Variants in RFX4 observed in about 807,000 individuals in gnomAD.
The protein encoded by RFX4 is transcription factor RFX4.
A neutral mutation model predicts 95.0 loss-of-function variants in RFX4; 10 were observed. That is an observed-to-expected ratio of 0.11 (90% confidence interval 0.06 to 0.18). The LOEUF is 0.18. Among genes scored for constraint, RFX4 ranks in the 10% least tolerant of loss-of-function variants. RFX4 has a pLI of 1.00. For synonymous variants in RFX4, 321 were observed against 340.7 expected, an observed-to-expected ratio of 0.94 and a Z score of 0.64; for missense variants, 640 against 922.0, an observed-to-expected ratio of 0.69 and a Z score of 3.96.
At chr12:106,607,959 G>A (rs113731078) in intron 1 of RFX4, among the ~76,000 whole-genome samples, 40 of 152,286 alleles carry the variant, frequency 2.6e-4, no homozygotes, top group East Asian at 5.8e-4. Context: ...TTGGGAGGCC[G>A]AGGCAGGCGG....
intron 1 of RFX4, among the ~76,000 whole-genome samples, chr12:106,592,799 A>G (rs1015794235): frequency 5.9e-5 from 9 of 152,096 alleles, no homozygotes; most frequent in Non-Finnish European, 1.0e-4. Context: ...TCTTGCATTT[A>G]TATATATATT....
intron 4 of RFX4, among the ~76,000 whole-genome samples, chr12:106,678,529 AG>A (rs1260113856): frequency 6.6e-6 from 1 of 152,268 alleles, no homozygotes; most frequent in Non-Finnish European, 1.5e-5. Flanking sequence ...GGTAGATTTT[AG>A]GTGCTTCTTC....
rs1357277053 is a variant in RFX4, at chr12:106,728,218, GC to G, written c.1352-3910del. ...ATCTCCTTTTGTCTCTAATCCTAATGCCTTTTTCCATAACAGGCTCTGCTGC... is the reference window on the plus strand; with the variant it reads ...ATCTCCTTTTGTCTCTAATCCTAATGCTTTTTCCATAACAGGCTCTGCTGC... On this transcript the variant is annotated intron_variant, in intron 13 of 17. Transcript: ENST00000392842. 3.3e-5 allele frequency among the ~76,000 whole-genome samples: 5 copies of G among 151,580 alleles called. No homozygotes were observed. In the East Asian group the frequency reaches 9.7e-4, roughly 29 times the overall value.
chr12:106,690,750 G>C (rs1028183197), intron 7 of RFX4, among the ~76,000 whole-genome samples: 3 of 152,176 alleles, frequency 2.0e-5, no homozygotes, highest in Admixed American at 1.3e-4. Context: ...ATGGACGGGA[G>C]CTGGTCCCAC....
intron 4 of RFX4, among the ~76,000 whole-genome samples, chr12:106,657,298 T>C (rs548907898): frequency 6.6e-6 from 1 of 152,310 alleles, no homozygotes; most frequent in Non-Finnish European, 1.5e-5. Flanking sequence ...AACAAATACA[T>C]TGGTAGTAGT....
chr12:106,584,929 GC>G (rs2039432042), intron 1 of RFX4, among the ~76,000 whole-genome samples: 1 of 152,196 alleles, frequency 6.6e-6, no homozygotes, highest in Non-Finnish European at 1.5e-5. Context: ...CGCCTGCCCT[GC>G]GTGCCTCTCC....
chr12:106,751,077 C>T, intron 17 of RFX4, among the ~76,000 whole-genome samples: 1 of 128,000 alleles, frequency 7.8e-6, no homozygotes, highest in African/African-American at 2.9e-5. Context: ...CCAATGCTAT[C>T]CCTCCCCCCT....
intron 13 of RFX4, among the ~76,000 whole-genome samples, chr12:106,726,380 C>T (rs1426341267): frequency 1.3e-5 from 2 of 152,148 alleles, no homozygotes; most frequent in South Asian, 4.1e-4. Flanking sequence ...TTGCCCACCT[C>T]ATTCCCTTCA....
intron 7 of RFX4, 138 bp downstream of exon 7, chr12:106,689,502 C>T: frequency 1.4e-6 from 1 of 694,814 alleles, no homozygotes; most frequent in Admixed American, 2.3e-5. Flanking sequence ...TCACTTCATC[C>T]TCATGAGATC....
At chr12:106,596,766 T>C (rs2039625941) in intron 1 of RFX4, among the ~76,000 whole-genome samples, 1 of 152,276 alleles carries the variant, frequency 6.6e-6, no homozygotes, top group African/African-American at 2.4e-5. Context: ...TTTGGAGCTT[T>C]TCCTTTTTCA....
chr12:106,665,241 C>G (rs2041153239), intron 4 of RFX4, among the ~76,000 whole-genome samples: 1 of 151,772 alleles, frequency 6.6e-6, no homozygotes, highest in Non-Finnish European at 1.5e-5. Context: ...ATATAATGCC[C>G]TTCTTTATCC....
chr12:106,604,094 A>G (rs946823617), intron 1 of RFX4, among the ~76,000 whole-genome samples: 18 of 143,978 alleles, frequency 1.3e-4, no homozygotes, highest in Non-Finnish European at 2.3e-4. Context: ...ATTCATGTTT[A>G]TATCACTACA....
intron 2 of RFX4, among the ~76,000 whole-genome samples, chr12:106,625,136 A>G (rs1470632693): frequency 6.6e-6 from 1 of 152,232 alleles, no homozygotes. Flanking sequence ...AAGGAAACTG[A>G]GGCTTAGAGA....
intron 15 of RFX4, among the ~76,000 whole-genome samples, chr12:106,741,108 C>A (rs573157847): frequency 3.2e-4 from 48 of 152,168 alleles, no homozygotes; most frequent in Admixed American, 2.8e-3. Context: ...CAGATTTTGA[C>A]CATGGAACTA....
At chr12:106,674,705 A>G (rs888824273) in intron 4 of RFX4, among the ~76,000 whole-genome samples, 1 of 152,122 alleles carries the variant, frequency 6.6e-6, no homozygotes, top group Admixed American at 6.5e-5. Flanking sequence ...TAGAAGATAC[A>G]TTGACTTTTT....
At chr12:106,625,240 G>T (rs965470977) in intron 2 of RFX4, among the ~76,000 whole-genome samples, 2 of 152,258 alleles carry the variant, frequency 1.3e-5, no homozygotes, top group African/African-American at 4.8e-5. Flanking sequence ...GCTCTGTTAC[G>T]TCCCTTTAGC....
chr12:106,599,797 C>G (rs190311545), intron 1 of RFX4, among the ~76,000 whole-genome samples: 28 of 152,164 alleles, frequency 1.8e-4, no homozygotes, highest in East Asian at 1.7e-3. Flanking sequence ...ACAAGTAAGT[C>G]TCGGTTTGCC....
intron 14 of RFX4, 111 bp downstream of exon 14, chr12:106,732,360 A>G (rs1368875559): frequency 1.4e-6 from 2 of 1,446,100 alleles, no homozygotes; most frequent in Non-Finnish European, 1.9e-6. Flanking sequence ...AGTTATGGTG[A>G]ACAGGTTAAG....
chr12:106,648,295 A>G (rs1254513793), intron 3 of RFX4, among the ~76,000 whole-genome samples: 2 of 152,082 alleles, frequency 1.3e-5, no homozygotes, highest in Non-Finnish European at 2.9e-5. Context: ...GTGTGGGTGG[A>G]AGGTGACAAG....
Sources: gnomAD v4.1 joint callset for allele counts (sites outside exome capture counted in the v4.1 genomes callset) on GRCh38, gnomAD v4.1.1 for gene constraint, MANE v1.5 for transcripts, NCBI Gene and HGNC (gene_info 2026-07-23, HGNC 2026-07-21) for gene names.